Variants in RBFOX1 observed in about 807,000 individuals in gnomAD.
The protein encoded by RBFOX1 is RNA binding fox-1 homolog 1.
In RBFOX1, 8 loss-of-function variants were observed where a neutral mutation model predicts 57.7. That is an observed-to-expected ratio of 0.14 (90% CI 0.08 to 0.25). The LOEUF (loss-of-function observed/expected upper bound fraction) is 0.25, where lower values mean the gene tolerates loss of function less well. RBFOX1 is among the 10% of genes least tolerant of loss of function. The pLI is 1.00. For synonymous variants in RBFOX1, 326 were observed against 222.4 expected (o/e 1.47, Z -4.15); for missense variants, 611 against 548.5 (o/e 1.11, Z -1.14).
chr16:6,182,358 C>T (rs1024319856), intron 1 of RBFOX1, among the ~76,000 whole-genome samples: 1 of 152,168 alleles, frequency 6.6e-6, no homozygotes, highest in African/African-American at 2.4e-5. Flanking sequence ...ATACGACCTA[C>T]CACAGCCACT....
At chr16:6,978,419 A>G (rs1215835014) in intron 3 of RBFOX1, among the ~76,000 whole-genome samples, 3 of 152,166 alleles carry the variant, frequency 2.0e-5, no homozygotes, top group South Asian at 4.1e-4. Flanking sequence ...CGAACACATG[A>G]TATCTGGAAG....
chr16:7,107,705 A>G (rs1170353107), intron 4 of RBFOX1, among the ~76,000 whole-genome samples: 1 of 152,106 alleles, frequency 6.6e-6, no homozygotes, highest in Non-Finnish European at 1.5e-5. Context: ...CTTTTCTAGA[A>G]TTTTATATAA....
At chr16:6,083,559 C>T (rs755380648) in intron 1 of RBFOX1, among the ~76,000 whole-genome samples, 12 of 152,180 alleles carry the variant, frequency 7.9e-5, no homozygotes, top group Non-Finnish European at 1.0e-4. Flanking sequence ...TCACTGCAGC[C>T]TCAACCTCTT....
At chr16:6,979,970 G>A (rs1229439090) in intron 3 of RBFOX1, among the ~76,000 whole-genome samples, 1 of 152,064 alleles carries the variant, frequency 6.6e-6, no homozygotes, top group African/African-American at 2.4e-5. Context: ...TTTTCCTGTT[G>A]GAGTGGGTAC....
intron 2 of RBFOX1, among the ~76,000 whole-genome samples, chr16:6,408,268 G>GT (rs2093352315): frequency 6.6e-6 from 1 of 152,096 alleles, no homozygotes; most frequent in Admixed American, 6.5e-5. Context: ...AAGTGCTGTT[G>GT]TTTGAGCTTA....
Position 6,086,947 on chromosome 16 carries a change from C to G in RBFOX1, c.-127+66955C>G, listed in dbSNP as rs117943025. On this transcript the variant is annotated intron_variant, in intron 1 of 15. Coordinates refer to ENST00000550418, the MANE Select transcript of RBFOX1 (RefSeq NM_018723.4). ...ACCAAGTATAGCAGCCAGAAAAACACAGAGCTGGCAACTGAGTCACAAAGC... is the reference window on the plus strand; with the variant it reads ...ACCAAGTATAGCAGCCAGAAAAACAGAGAGCTGGCAACTGAGTCACAAAGC... Among the ~76,000 whole-genome samples, 1,265 of 152,294 alleles carry G rather than the reference C, an allele frequency of 8.3e-3. 11 individuals carry two copies. The highest frequency in any genetic ancestry group is 0.013 in the Non-Finnish European group (875 of 68,020).
chr16:7,220,495 C>G (rs926760587), intron 4 of RBFOX1, among the ~76,000 whole-genome samples: 6 of 152,156 alleles, frequency 3.9e-5, no homozygotes, highest in African/African-American at 1.2e-4. Flanking sequence ...AAGCAAGTTG[C>G]TGAGATTTGA....
chr16:7,539,150 C>T (rs564307889), intron 5 of RBFOX1, among the ~76,000 whole-genome samples: 1 of 152,208 alleles, frequency 6.6e-6, no homozygotes, highest in African/African-American at 2.4e-5. Context: ...GGAGATATGA[C>T]AAAGAATGTG....
intron 2 of RBFOX1, among the ~76,000 whole-genome samples, chr16:6,350,712 A>G (rs761380574): frequency 2.0e-5 from 3 of 152,116 alleles, no homozygotes; most frequent in South Asian, 4.1e-4. Flanking sequence ...TTGTCCATGG[A>G]TTTTCATATT....
chr16:5,702,736 T>G (rs1040206021), intron 3 of RBFOX1, among the ~76,000 whole-genome samples: 3 of 152,152 alleles, frequency 2.0e-5, no homozygotes, highest in African/African-American at 4.8e-5. Context: ...ATAAAACCTT[T>G]GGGGAATAGA....
Position 6,267,781 on chromosome 16 carries a change from T to A in RBFOX1, c.-126-49214T>A, listed in dbSNP as rs574042674. Among the ~76,000 whole-genome samples, 5 of 152,182 alleles carry A rather than the reference T, an allele frequency of 3.3e-5. No individual in the cohort carries two copies. The East Asian group carries it at 9.7e-4, about 29-fold the overall frequency. ...AGATTTACCAAGTATGATAACCAGG[T>A]GTGTGGCTATTCTGAGCATCCATAG... On this transcript the variant is annotated intron_variant, in intron 1 of 15. Coordinates refer to ENST00000550418, the MANE Select transcript of RBFOX1 (RefSeq NM_018723.4).
chr16:7,256,417 G>A (rs1335507188), intron 4 of RBFOX1, among the ~76,000 whole-genome samples: 7 of 152,180 alleles, frequency 4.6e-5, no homozygotes, highest in Non-Finnish European at 8.8e-5. Flanking sequence ...TGTCATGGGA[G>A]AAGCCTACAC....
chr16:5,429,832 C>A (rs555226605), intron 1 of RBFOX1, among the ~76,000 whole-genome samples: 14 of 152,178 alleles, frequency 9.2e-5, no homozygotes, highest in Non-Finnish European at 1.9e-4. Context: ...TGGCCCACAG[C>A]CTGTGCTAGG....
chr16:5,610,140 C>A (rs893162654), intron 3 of RBFOX1, among the ~76,000 whole-genome samples: 1 of 152,130 alleles, frequency 6.6e-6, no homozygotes, highest in Non-Finnish European at 1.5e-5. Flanking sequence ...TTCTGAATTT[C>A]CAATATGCCA....
intron 4 of RBFOX1, among the ~76,000 whole-genome samples, chr16:7,382,347 T>C (rs770286575): frequency 6.6e-6 from 1 of 152,230 alleles, no homozygotes; most frequent in Admixed American, 6.5e-5. Flanking sequence ...TTTTGGACTT[T>C]TAAAAAATGT....
intron 2 of RBFOX1, among the ~76,000 whole-genome samples, chr16:5,515,629 G>T (rs1441962654): frequency 6.6e-6 from 1 of 152,198 alleles, no homozygotes; most frequent in Non-Finnish European, 1.5e-5. Flanking sequence ...TTTGGGTACG[G>T]TTGAAGTAGT....
At chr16:5,697,093 T>C (rs1212337014) in intron 3 of RBFOX1, among the ~76,000 whole-genome samples, 8 of 152,136 alleles carry the variant, frequency 5.3e-5, no homozygotes, top group African/African-American at 1.7e-4. Context: ...TTTTGTACTA[T>C]GTGAAGGGGT....
chr16:7,328,655 G>A (rs1009751528), intron 4 of RBFOX1: 4 of 149,998 alleles, frequency 2.7e-5, no homozygotes, highest in Admixed American at 1.3e-4. Context: ...TAGGTGGAGG[G>A]ATGAGATTGA....
chr16:6,862,068 G>A (rs2059122121), intron 3 of RBFOX1, among the ~76,000 whole-genome samples: 1 of 152,062 alleles, frequency 6.6e-6, no homozygotes, highest in African/African-American at 2.4e-5. Flanking sequence ...CAGCAAAACT[G>A]ATTTCGATGA....
Sources: allele counts gnomAD v4.1 joint callset (sites outside exome capture counted in the v4.1 genomes callset), GRCh38; gene constraint gnomAD v4.1.1; transcripts MANE v1.5; gene names NCBI Gene and HGNC (gene_info 2026-07-23, HGNC 2026-07-21).